The following SLC4A10 variants were observed in gnomAD, a reference collection of about 807,000 sequenced individuals.
The protein encoded by SLC4A10 is sodium-driven chloride bicarbonate exchanger.
SLC4A10 carries 42 observed loss-of-function variants against 137.7 expected under a neutral mutation model. The observed-to-expected ratio is 0.30, with a 90% CI of 0.24 to 0.39. The LOEUF is 0.39. SLC4A10 is among the 10% of genes least tolerant of loss of function. The pLI is 1.00. For missense variants in SLC4A10, 925 were observed against 1,355.0 expected, an observed-to-expected ratio of 0.68 and a Z score of 4.98; for synonymous variants, 474 against 464.1, an observed-to-expected ratio of 1.02 and a Z score of -0.27.
chr2:161,938,462 G>C (rs983606983), intron 15 of SLC4A10, among the ~76,000 whole-genome samples: 8 of 151,500 alleles, frequency 5.3e-5, no homozygotes, highest in African/African-American at 1.9e-4. Flanking sequence ...CCGAGTTCGT[G>C]TATAAGAGTT....
chr2:161,904,079 C>T lies in SLC4A10; in HGVS notation c.1518C>T (p.Ser506=), dbSNP rs374092888. The T allele has an allele frequency of 2.6e-5, 42 of 1,603,222 alleles. No homozygotes were observed. Among genetic ancestry groups the T allele is most frequent in the Non-Finnish European group, 3.6e-5 (42 of 1,174,390 alleles). The change falls in exon 13 of 27, where the codon AGC becomes AGT. Residue 506 remains serine (S), a synonymous_variant. Transcript: ENST00000446997. ...GGAGTGACTTCAGAGATGCTTTCAG[C>T]CTGCAGTGCTTAGCATCTTTTCTAT... ...YFWSDFRDAF[S]LQCLASFLFL...
At chr2:161,886,385 G>A (rs1002430164) in intron 10 of SLC4A10, among the ~76,000 whole-genome samples, 3 of 151,998 alleles carry the variant, frequency 2.0e-5, no homozygotes, top group Non-Finnish European at 4.4e-5. Context: ...TACTTTTGAA[G>A]CACGTACTTT....
chr2:161,805,026 A>G (rs1247678496), intron 3 of SLC4A10, among the ~76,000 whole-genome samples: 1 of 152,178 alleles, frequency 6.6e-6, no homozygotes, highest in Non-Finnish European at 1.5e-5. Context: ...ACAATTTACC[A>G]AAATAAAAAA....
At chr2:161,919,936 G>A (rs1337201127) in intron 15 of SLC4A10, among the ~76,000 whole-genome samples, 1 of 152,168 alleles carries the variant, frequency 6.6e-6, no homozygotes, top group Non-Finnish European at 1.5e-5. Context: ...GCTTCTGGGT[G>A]CCACCACGTT....
chr2:161,875,328 T>A (rs2061396098), intron 8 of SLC4A10, among the ~76,000 whole-genome samples: 1 of 152,168 alleles, frequency 6.6e-6, no homozygotes, highest in Non-Finnish European at 1.5e-5. Context: ...TGTTTTAATA[T>A]TTTAAGTCTT....
intron 15 of SLC4A10, among the ~76,000 whole-genome samples, chr2:161,932,305 C>T (rs1690546261): frequency 6.6e-6 from 1 of 152,168 alleles, no homozygotes; most frequent in South Asian, 2.1e-4. Flanking sequence ...ACTGCCACTA[C>T]TGTAAAACCA....
intron 1 of SLC4A10, among the ~76,000 whole-genome samples, chr2:161,686,605 A>G (rs1325479859): frequency 6.6e-6 from 1 of 152,202 alleles, no homozygotes; most frequent in Non-Finnish European, 1.5e-5. Flanking sequence ...GCAAAATTAT[A>G]TATAGGAGTT....
chr2:161,940,272 C>T (rs182173666), intron 15 of SLC4A10, among the ~76,000 whole-genome samples: 3 of 152,132 alleles, frequency 2.0e-5, no homozygotes, highest in African/African-American at 4.8e-5. Flanking sequence ...ACTGTATGTT[C>T]CCAAGAGGAG....
At chr2:161,843,930 A>C (rs919013979) in intron 4 of SLC4A10, among the ~76,000 whole-genome samples, 1 of 152,164 alleles carries the variant, frequency 6.6e-6, no homozygotes, top group African/African-American at 2.4e-5. Context: ...AAATTTTTGA[A>C]TCATAATTAT....
At chr2:161,822,119 T>C (rs2125695330) in intron 3 of SLC4A10, among the ~76,000 whole-genome samples, 1 of 152,350 alleles carries the variant, frequency 6.6e-6, no homozygotes, top group East Asian at 1.9e-4. Context: ...AATAGTATTT[T>C]AAAGGTGTGT....
At chr2:161,973,581 C>G (rs1476510650) in intron 23 of SLC4A10, among the ~76,000 whole-genome samples, 1 of 152,212 alleles carries the variant, frequency 6.6e-6, no homozygotes, top group Non-Finnish European at 1.5e-5. Context: ...GTCAAACCTT[C>G]CATTTCCTCC....
chr2:161,974,343 A>G lies in SLC4A10; in HGVS notation c.3227+27A>G, dbSNP rs368597587. On this transcript the variant is annotated intron_variant, in intron 24 of 26. Coordinates refer to ENST00000446997, the MANE Select transcript of SLC4A10 (RefSeq NM_001178015.2). The stretch of plus-strand genomic sequence containing the variant: ...TAAGACATAAATTTAAAAACACATC[A>G]ATTAAAGTAATGAAATGCATTGTTA... 5 of 1,537,952 alleles carry G rather than the reference A, an allele frequency of 3.3e-6. No homozygotes were observed. The South Asian group carries it at 6.0e-5, about 18-fold the overall frequency.
intron 3 of SLC4A10, among the ~76,000 whole-genome samples, chr2:161,824,243 A>T (rs1476247097): frequency 6.6e-6 from 1 of 152,194 alleles, no homozygotes; most frequent in Admixed American, 6.5e-5. Context: ...TTCATTACAC[A>T]TGGTACCCTA....
chr2:161,728,742 C>A (rs531381681), intron 1 of SLC4A10, among the ~76,000 whole-genome samples: 20 of 152,248 alleles, frequency 1.3e-4, no homozygotes, highest in Admixed American at 1.3e-3. Flanking sequence ...CAAAATCACA[C>A]AAAGGCAATA....
intron 1 of SLC4A10, among the ~76,000 whole-genome samples, chr2:161,700,146 A>G (rs540684797): frequency 6.6e-6 from 1 of 152,302 alleles, no homozygotes; most frequent in South Asian, 2.1e-4. Context: ...AGTAACTGAC[A>G]ATTAAAGGCC....
chr2:161,967,813 A>C (rs980526139), intron 23 of SLC4A10, among the ~76,000 whole-genome samples: 1 of 152,038 alleles, frequency 6.6e-6, no homozygotes, highest in Non-Finnish European at 1.5e-5. Flanking sequence ...CCTATGGTAA[A>C]ATTGGTTTTA....
chr2:161,828,016 C>T (rs1047991617), intron 3 of SLC4A10, among the ~76,000 whole-genome samples: 3 of 152,128 alleles, frequency 2.0e-5, no homozygotes, highest in African/African-American at 4.8e-5. Context: ...CCATTGCTAG[C>T]GTCTTACTCC....
chr2:161,762,880 C>T lies in SLC4A10; in HGVS notation c.49-8093C>T, dbSNP rs192745086. Among the ~76,000 whole-genome samples, 101 of 151,958 alleles carry T rather than the reference C, an allele frequency of 6.6e-4. 1 individual carries two copies. The highest frequency in any genetic ancestry group is 1.2e-3 in the Non-Finnish European group (81 of 67,904). ...ACACTTAAAAAACTAGCTCTTAGGT[C>T]ATGTTTATAAAATATATGTGTCCAT... is the stretch of plus-strand genomic sequence containing the variant. On this transcript the variant is annotated intron_variant, in intron 1 of 26. Transcript: ENST00000446997.
At position 161,643,612 on chromosome 2, in the gene SLC4A10, C is replaced by T. The variant is rs115207258; in HGVS notation, c.48+19046C>T. 3.3e-3 allele frequency among the ~76,000 whole-genome samples: 498 copies of T among 152,088 alleles called. 5 individuals are homozygous for T. Among genetic ancestry groups the T allele is most frequent in the South Asian group, 0.019 (90 of 4,824 alleles). ...ATAGTTTTTTCATATACAGTTTAAA[C>T]GTTTATCAGGTTGAGTCTACTAAGA... On this transcript the variant is annotated intron_variant, in intron 1 of 26. Coordinates refer to ENST00000446997, the MANE Select transcript of SLC4A10 (RefSeq NM_001178015.2).
Sources: gnomAD v4.1 joint callset for allele counts (sites outside exome capture counted in the v4.1 genomes callset) on GRCh38, gnomAD v4.1.1 for gene constraint, MANE v1.5 for transcripts, NCBI Gene and HGNC (gene_info 2026-07-23, HGNC 2026-07-21) for gene names.